Variants in CD1B observed in about 807,000 individuals in gnomAD.
CD1B encodes the protein CD1b molecule.
CD1B carries 43 observed loss-of-function variants against 39.8 expected under a neutral mutation model. That is an observed-to-expected ratio of 1.08 (90% CI 0.85 to 1.39). The LOEUF is 1.39. Ranked by LOEUF, CD1B falls within the 40% of genes most tolerant of loss-of-function variation. CD1B has a pLI of 0.00. For missense variants in CD1B, 495 were observed against 403.8 expected, an observed-to-expected ratio of 1.23 and a Z score of -1.94; for synonymous variants, 192 against 152.5, an observed-to-expected ratio of 1.26 and a Z score of -1.91.
the CD1B span, among the ~76,000 whole-genome samples, chr1:158,286,079 C>G: frequency 2.6e-5 from 4 of 151,898 alleles, no homozygotes; most frequent in Non-Finnish European, 5.9e-5. Context: ...AAGTGACAGG[C>G]AAGAAGAGCC....
chr1:158,330,615 G>T (rs1199157766), intron 2 of CD1B, 181 bp downstream of exon 2: 1 of 744,936 alleles, frequency 1.3e-6, no homozygotes, highest in East Asian at 2.6e-5. Context: ...GAGGCAGCAA[G>T]AATCTGAAAT....
At chr1:158,293,326 C>T in the CD1B span, 1 of 1,598,766 alleles carries the variant, frequency 6.3e-7, no homozygotes, top group Non-Finnish European at 8.6e-7. Flanking sequence ...ATTTCCTCCT[C>T]TCCTCCCAGT....
At chr1:158,301,702 T>C in the CD1B span, among the ~76,000 whole-genome samples, 3 of 152,210 alleles carry the variant, frequency 2.0e-5, no homozygotes, top group Admixed American at 1.3e-4. Flanking sequence ...GACTTTTCTT[T>C]CTGGCTGCCC....
At chr1:158,313,639 C>T in the CD1B span, among the ~76,000 whole-genome samples, 1 of 152,076 alleles carries the variant, frequency 6.6e-6, no homozygotes, top group African/African-American at 2.4e-5. Flanking sequence ...TTTGTTGTGT[C>T]ATCTAGTTTT....
At chr1:158,288,800 A>G in the CD1B span, among the ~76,000 whole-genome samples, 1 of 152,264 alleles carries the variant, frequency 6.6e-6, no homozygotes, top group East Asian at 1.9e-4. Context: ...TCTCAAAAAA[A>G]CTGTGTTCAT....
chr1:158,321,819 G>A, the CD1B span, among the ~76,000 whole-genome samples: 7 of 152,082 alleles, frequency 4.6e-5, no homozygotes, highest in East Asian at 1.9e-4. Flanking sequence ...TTATTACATA[G>A]GAAAACGTGT....
chr1:158,319,500 G>T, the CD1B span, among the ~76,000 whole-genome samples: 4 of 152,128 alleles, frequency 2.6e-5, no homozygotes, highest in African/African-American at 7.2e-5. Flanking sequence ...CTTGAGCCTT[G>T]GTTGTCAGCT....
chr1:158,308,570 A>G, the CD1B span, among the ~76,000 whole-genome samples: 3 of 152,218 alleles, frequency 2.0e-5, no homozygotes, highest in African/African-American at 7.2e-5. Flanking sequence ...ACACTACCTG[A>G]CTTCAAACTA....
At chr1:158,292,306 C>A in the CD1B span, 1 of 1,614,214 alleles carries the variant, frequency 6.2e-7, no homozygotes, top group Admixed American at 1.7e-5. Context: ...ATAAGAAGCA[C>A]TTGCCCCCGA....
At chr1:158,309,030 C>G in the CD1B span, among the ~76,000 whole-genome samples, 1 of 152,154 alleles carries the variant, frequency 6.6e-6, no homozygotes, top group African/African-American at 2.4e-5. Context: ...AAACTACCAT[C>G]AGAGTGAACA....
chr1:158,305,141 G>A, the CD1B span, among the ~76,000 whole-genome samples: 3 of 152,116 alleles, frequency 2.0e-5, no homozygotes. Context: ...ACTACTCCGA[G>A]CTAAAAGAGG....
At chr1:158,285,832 AAAG>A in the CD1B span, among the ~76,000 whole-genome samples, 1 of 152,148 alleles carries the variant, frequency 6.6e-6, no homozygotes, top group Non-Finnish European at 1.5e-5. Context: ...TGGAGGCCAG[AAAG>A]AAGGAGTGAA....
At chr1:158,324,579 A>G (rs1652284760), downstream of CD1B, among the ~76,000 whole-genome samples, 1 of 152,204 alleles carries the variant, frequency 6.6e-6, no homozygotes, top group Non-Finnish European at 1.5e-5. Flanking sequence ...GATGAGTTAA[A>G]CACATAGTTT....
the CD1B span, among the ~76,000 whole-genome samples, chr1:158,309,025 A>G: frequency 1.3e-4 from 20 of 152,190 alleles, no homozygotes; most frequent in Admixed American, 7.2e-4. Flanking sequence ...AAAAGAAACT[A>G]CCATCAGAGT....
the CD1B span, among the ~76,000 whole-genome samples, chr1:158,309,948 T>C: frequency 6.6e-6 from 1 of 151,148 alleles, no homozygotes; most frequent in African/African-American, 2.4e-5. Flanking sequence ...AACCTGCACA[T>C]TGTGCACATA....
chr1:158,299,514 G>T, the CD1B span, among the ~76,000 whole-genome samples: 3 of 152,092 alleles, frequency 2.0e-5, no homozygotes, highest in African/African-American at 7.2e-5. Flanking sequence ...ATGAGTAAGG[G>T]AGGATTCCCT....
At chr1:158,313,742 C>A in the CD1B span, among the ~76,000 whole-genome samples, 1 of 152,124 alleles carries the variant, frequency 6.6e-6, no homozygotes, top group Non-Finnish European at 1.5e-5. Flanking sequence ...GAAGAACAGG[C>A]ATTAGTTATT....
chr1:158,309,690 A>G, the CD1B span, among the ~76,000 whole-genome samples: 1 of 152,092 alleles, frequency 6.6e-6, no homozygotes, highest in Non-Finnish European at 1.5e-5. Flanking sequence ...AGGGACATGG[A>G]TGAAACTGGA....
At chr1:158,304,537 G>A in the CD1B span, among the ~76,000 whole-genome samples, 1 of 152,184 alleles carries the variant, frequency 6.6e-6, no homozygotes, top group South Asian at 2.1e-4. Flanking sequence ...ACCAAAGGCA[G>A]CAGAATCCTC....
Sources: gnomAD v4.1 joint callset for allele counts (sites outside exome capture counted in the v4.1 genomes callset) on GRCh38, gnomAD v4.1.1 for gene constraint, MANE v1.5 for transcripts, NCBI Gene and HGNC (gene_info 2026-07-23, HGNC 2026-07-21) for gene names.